The following CERK variants were observed in gnomAD, a reference collection of about 807,000 sequenced individuals.
The protein encoded by CERK is acylsphingosine kinase.
CERK carries 39 observed loss-of-function variants against 63.4 expected under a neutral mutation model. The observed-to-expected ratio is 0.61, with a 90% CI of 0.48 to 0.80. The LOEUF (loss-of-function observed/expected upper bound fraction) is 0.80, where lower values mean the gene tolerates loss of function less well. Ranked by LOEUF, CERK falls within the 30% of genes least tolerant of loss-of-function variation. CERK has a pLI of 0.00. For synonymous variants in CERK, 302 were observed against 280.0 expected, an observed-to-expected ratio of 1.08 and a Z score of -0.78; for missense variants, 670 against 714.1, an observed-to-expected ratio of 0.94 and a Z score of 0.70.
chr22:46,695,588 G>A (rs1306448481), intron 8 of CERK, among the ~76,000 whole-genome samples: 4 of 152,348 alleles, frequency 2.6e-5, no homozygotes, highest in South Asian at 4.1e-4. Context: ...CACTCTTGAC[G>A]CTGGCAAAGT....
At chr22:46,710,215 C>T (rs1375950730) in intron 5 of CERK, among the ~76,000 whole-genome samples, 4 of 152,118 alleles carry the variant, frequency 2.6e-5, no homozygotes, top group Admixed American at 1.3e-4. Flanking sequence ...GCGTGGATCA[C>T]CTGAGGTCAG....
Position 46,693,673 on chromosome 22 carries a change from A to G in CERK, c.1050-170T>C, listed in dbSNP as rs190990256. 2.5e-4 allele frequency: 143 copies of G among 578,418 alleles called. No individual in the cohort carries two copies. The Middle Eastern group carries it at 5.9e-3, about 24-fold the overall frequency. The allele number at this position is 578,418 out of a possible 1,614,324, so 35.8% of individuals were successfully genotyped here. A position where few individuals can be genotyped will look rare whatever the true frequency, so the allele number is the denominator to read the frequency against. On this transcript the variant is annotated intron_variant, in intron 9 of 12. Coordinates refer to ENST00000216264, the MANE Select transcript of CERK (RefSeq NM_022766.6). ...AATTAGAGGTTTCAGAATGAGACCT[A>G]CTTTTACAATGACACATTCAACATG... is the stretch of plus-strand genomic sequence containing the variant.
chr22:46,711,543 T>G (rs555473131), intron 4 of CERK, among the ~76,000 whole-genome samples: 22 of 152,326 alleles, frequency 1.4e-4, no homozygotes, highest in African/African-American at 5.1e-4. Context: ...AAACTTCTAT[T>G]GAAAGTCCCC....
Position 46,721,030 on chromosome 22 carries a change from C to T in CERK, c.143-15G>A, listed in dbSNP as rs1311557844. The stretch of plus-strand genomic sequence containing the variant: ...AGAGCAGGCATCTGTAAAAACACCA[C>T]GTCCTTCTGTCAAAGAATTCGTCAG... On this transcript the variant is annotated splice_polypyrimidine_tract_variant and intron_variant, in intron 1 of 12. Transcript: ENST00000216264. 4.6e-6 allele frequency: 7 copies of T among 1,526,562 alleles called. No individual in the cohort carries two copies. The highest frequency in any genetic ancestry group is 2.2e-5 in the East Asian group (1 of 44,488). The allele number at this position is 1,526,562 out of a possible 1,614,324, so 94.6% of individuals were successfully genotyped here.
chr22:46,711,037 C>A (rs1601719925), intron 5 of CERK, 49 bp downstream of exon 5: 1 of 1,523,782 alleles, frequency 6.6e-7, no homozygotes. Context: ...GTGGGTAGAA[C>A]TTTTTCATTA....
chr22:46,714,875 C>T lies in CERK; in HGVS notation c.380-2582G>A, dbSNP rs956573762. ...CGTGCAAAAATCCTAAACACAATAT[C>T]GGTAAGTCAAATCCAGTGACACATA... is the stretch of plus-strand genomic sequence containing the variant. On this transcript the variant is annotated intron_variant, in intron 3 of 12. Coordinates refer to ENST00000216264, the MANE Select transcript of CERK (RefSeq NM_022766.6). The surrounding 1 kb of genome is among the most constrained non-coding windows in gnomAD (Gnocchi z 4.4). Among the ~76,000 whole-genome samples, 4 of 151,938 alleles carry T rather than the reference C, an allele frequency of 2.6e-5. No homozygotes were observed. The highest frequency in any genetic ancestry group is 2.1e-4 in the South Asian group (1 of 4,816).
At chr22:46,690,558 T>C (rs563609629) in intron 11 of CERK, among the ~76,000 whole-genome samples, 7 of 152,158 alleles carry the variant, frequency 4.6e-5, no homozygotes, top group Non-Finnish European at 8.8e-5. Context: ...TAATTAGCAG[T>C]GATTATTAGA....
At chr22:46,727,415 G>A (rs2082923993) in intron 1 of CERK, among the ~76,000 whole-genome samples, 1 of 149,836 alleles carries the variant, frequency 6.7e-6, no homozygotes, top group African/African-American at 2.4e-5. Flanking sequence ...AAGTAGTTGG[G>A]ACCACAGGTG....
At chr22:46,733,013 C>T (rs1407246504) in intron 1 of CERK, among the ~76,000 whole-genome samples, 4 of 151,830 alleles carry the variant, frequency 2.6e-5, no homozygotes, top group African/African-American at 9.7e-5. Flanking sequence ...TTGAGACCAT[C>T]CTGGCTAACA....
rs1394487160 is a variant in CERK, at chr22:46,691,666, A to G, written c.1238T>C (p.Leu413Ser). 2 of 1,613,826 alleles carry G rather than the reference A, an allele frequency of 1.2e-6. No individual in the cohort carries two copies. Among genetic ancestry groups the G allele is most frequent in the Non-Finnish European group, 1.7e-6 (2 of 1,179,966 alleles). The change falls in exon 11 of 13, where the codon TTG becomes TCG. Residue 413 changes from leucine (L) to serine (S), a missense_variant. Coordinates refer to ENST00000216264, the MANE Select transcript of CERK (RefSeq NM_022766.6). ...SPRGLSPAAH[L>S]GDGSSDLILI... ...GATGAGGTCAGAAGACCCGTCTCCC[A>G]AGTGGGCAGCCGGGGAGAGGCCCCT...
intron 6 of CERK, among the ~76,000 whole-genome samples, chr22:46,702,266 T>TGA (rs1378452570): frequency 5.6e-5 from 8 of 144,134 alleles, no homozygotes; most frequent in African/African-American, 1.0e-4. Flanking sequence ...TGTGTGTGTG[T>TGA]GAACATTTAC....
rs536129910 is a variant in CERK at position 46,731,737 on chromosome 22, G to C, written c.142+6270C>G. Among the ~76,000 whole-genome samples, 342 of 152,306 alleles carry C rather than the reference G, an allele frequency of 2.2e-3. 1 individual carries two copies. Among genetic ancestry groups the C allele is most frequent in the African/African-American group, 7.9e-3 (330 of 41,568 alleles). ...AGCACGTGTGCCCCGGGAGCAGGTGGGGGCAGGGCCAGATCGGGGGAGGTC... is the reference window on the plus strand; with the variant it reads ...AGCACGTGTGCCCCGGGAGCAGGTGCGGGCAGGGCCAGATCGGGGGAGGTC... On this transcript the variant is annotated intron_variant, in intron 1 of 12. Coordinates refer to ENST00000216264, the MANE Select transcript of CERK (RefSeq NM_022766.6).
intron 11 of CERK, 94 bp from the exon 12 acceptor site, chr22:46,690,294 A>G: frequency 1.1e-6 from 1 of 918,604 alleles, no homozygotes; most frequent in Non-Finnish European, 1.7e-6. Context: ...GAGCGCTGTC[A>G]GGCCTGGGTG....
chr22:46,722,652 C>T (rs951673174), intron 1 of CERK, among the ~76,000 whole-genome samples: 1 of 151,748 alleles, frequency 6.6e-6, no homozygotes, highest in South Asian at 2.1e-4. Flanking sequence ...CTCCACCTCC[C>T]GGTTCAAGCG....
At chr22:46,702,018 T>TA (rs2082787346) in intron 6 of CERK, among the ~76,000 whole-genome samples, 1 of 151,834 alleles carries the variant, frequency 6.6e-6, no homozygotes, top group South Asian at 2.1e-4. Context: ...CCGACTCTAC[T>TA]AAAAATACAA....
At chr22:46,721,059 C>T (rs772102785) in intron 1 of CERK, 44 bp from the exon 2 acceptor site, 2 of 1,248,708 alleles carry the variant, frequency 1.6e-6, no homozygotes, top group African/African-American at 1.5e-5. Context: ...TCGTCAGAAT[C>T]CACACAGGTA....
intron 9 of CERK, among the ~76,000 whole-genome samples, chr22:46,694,309 T>C (rs978484041): frequency 6.6e-6 from 1 of 152,044 alleles, no homozygotes; most frequent in African/African-American, 2.4e-5. Context: ...GGGACAACTA[T>C]GTTTAGATTT....
Position 46,690,959 on chromosome 22 carries a change from A to G in CERK, c.1332+613T>C, listed in dbSNP as rs113646695. Among the ~76,000 whole-genome samples the G allele has an allele frequency of 1.5e-3, 223 of 151,728 alleles. 1 individual carries two copies. The highest frequency in any genetic ancestry group is 5.0e-3 in the African/African-American group (204 of 41,130). On this transcript the variant is annotated intron_variant, in intron 11 of 12. Coordinates refer to ENST00000216264, the MANE Select transcript of CERK (RefSeq NM_022766.6). The stretch of plus-strand genomic sequence containing the variant: ...CATGTGTGTGTATATGTATGTATGT[A>G]TGTGTGTGTATATGTATGTATGTGT...
intron 1 of CERK, among the ~76,000 whole-genome samples, chr22:46,723,101 T>C (rs1159421925): frequency 6.6e-6 from 1 of 152,156 alleles, no homozygotes; most frequent in Admixed American, 6.5e-5. Context: ...AAGGACGCCC[T>C]GGGGTGAATC....
Sources: allele counts gnomAD v4.1 joint callset (sites outside exome capture counted in the v4.1 genomes callset), GRCh38; gene constraint gnomAD v4.1.1; non-coding constraint Gnocchi (gnomAD v3.1); transcripts MANE v1.5; gene names NCBI Gene and HGNC (gene_info 2026-07-23, HGNC 2026-07-21).